GPHN: variants seen among roughly 807,000 people sequenced by gnomAD.
GPHN encodes the protein gephyrin.
GPHN carries 17 observed loss-of-function variants against 95.5 expected under a neutral mutation model. The ratio of observed to expected loss-of-function variants is 0.18; its 90% CI spans 0.12 to 0.27. GPHN has a LOEUF of 0.27. Ranked by LOEUF, GPHN falls within the 10% of genes least tolerant of loss-of-function variation. GPHN has a pLI of 1.00. For synonymous variants in GPHN, 320 were observed against 322.5 expected (o/e 0.99, Z 0.08); for missense variants, 660 against 978.1 (o/e 0.67, Z 4.34).
At chr14:67,480,195 G>A in the GPHN span, among the ~76,000 whole-genome samples, 12,446 of 152,080 alleles carry the variant, frequency 0.082, 572 homozygotes, top group Middle Eastern at 0.12. Context: ...CTTTTACACC[G>A]CCTCTTACCC....
the GPHN span, chr14:67,189,837 A>ATTTTTTTTT: frequency 9.3e-6 from 1 of 108,096 alleles, no homozygotes; most frequent in Non-Finnish European, 1.8e-5. Context: ...ATTTTTTTTA[A>ATTTTTTTTT]TTTTTTTTTT....
intron 5 of GPHN, among the ~76,000 whole-genome samples, chr14:66,915,452 C>A (rs1295944920): frequency 6.6e-6 from 1 of 152,096 alleles, no homozygotes. Flanking sequence ...TGACAATTAT[C>A]TCTGAAAGAT....
At chr14:67,223,010 T>C in the GPHN span, among the ~76,000 whole-genome samples, 1 of 150,938 alleles carries the variant, frequency 6.6e-6, no homozygotes, top group Non-Finnish European at 1.5e-5. Context: ...TTTTTTTTTT[T>C]TTTTTTTGAG....
chr14:66,793,595 ATATC>A (rs1276613786), intron 3 of GPHN, among the ~76,000 whole-genome samples: 2 of 152,140 alleles, frequency 1.3e-5, no homozygotes, highest in South Asian at 2.1e-4. Flanking sequence ...ATACATATAT[ATATC>A]TGTGTGTGAT....
chr14:66,661,232 A>G (rs990738939), intron 1 of GPHN, among the ~76,000 whole-genome samples: 2 of 152,194 alleles, frequency 1.3e-5, no homozygotes, highest in Non-Finnish European at 2.9e-5. Flanking sequence ...GCCAGCCCCC[A>G]GCAACAGAGT....
intron 3 of GPHN, among the ~76,000 whole-genome samples, chr14:66,811,120 A>G (rs1307451547): frequency 2.0e-5 from 3 of 152,210 alleles, no homozygotes; most frequent in South Asian, 2.1e-4. Flanking sequence ...TGTGGAAACA[A>G]TAAACCCTGG....
At chr14:67,122,435 T>C in intron 17 of GPHN, 58 bp downstream of exon 17, 1 of 1,476,166 alleles carries the variant, frequency 6.8e-7, no homozygotes, top group Non-Finnish European at 9.5e-7. Flanking sequence ...GTTTTTGGAA[T>C]ACTCATTAGG....
chr14:67,405,224 CAAAAAAA>C, the GPHN span, among the ~76,000 whole-genome samples: 3 of 40,482 alleles, frequency 7.4e-5, no homozygotes, highest in Non-Finnish European at 1.1e-4. Flanking sequence ...GAGTCCATCT[CAAAAAAA>C]AAAAAAAAAA....
At chr14:67,143,478 A>T (rs142575845) in intron 18 of GPHN, 29 bp downstream of exon 18, 3 of 1,271,582 alleles carry the variant, frequency 2.4e-6, no homozygotes, top group Non-Finnish European at 3.5e-6. Flanking sequence ...GTGAAAATGT[A>T]TCTGCTGTAA....
the GPHN span, among the ~76,000 whole-genome samples, chr14:67,464,909 C>A: frequency 6.6e-6 from 1 of 152,218 alleles, no homozygotes; most frequent in Non-Finnish European, 1.5e-5. Context: ...ATTTCCTGAT[C>A]TCCCCTTCTA....
At chr14:67,341,503 G>T in the GPHN span, among the ~76,000 whole-genome samples, 1 of 151,890 alleles carries the variant, frequency 6.6e-6, no homozygotes, top group Non-Finnish European at 1.5e-5. Flanking sequence ...CCCCGTCCGG[G>T]AGGGAGGTGG....
In GPHN at chr14:67,081,056, T is replaced by C. The variant is rs545989982; in HGVS notation, c.1145-7927T>C. 2.0e-5 allele frequency among the ~76,000 whole-genome samples: 3 copies of C among 152,338 alleles called. No individual in the cohort carries two copies. In the East Asian group the frequency reaches 5.8e-4, roughly 29 times the overall value. On this transcript the variant is annotated intron_variant, in intron 11 of 22. Transcript: ENST00000478722. ...TCCATATTTTTGCAATTGCAAATTG[T>C]GCTGCTATAAACATGCATGTGCAAG...
chr14:67,184,321 TATCATG>T (rs1178798815), downstream of GPHN, among the ~76,000 whole-genome samples: 2 of 152,190 alleles, frequency 1.3e-5, no homozygotes, highest in Non-Finnish European at 2.9e-5. Flanking sequence ...ATCAGGGACG[TATCATG>T]ATCAGAGATA....
the GPHN span, chr14:67,577,298 G>C: frequency 6.4e-7 from 1 of 1,556,012 alleles, no homozygotes; most frequent in Non-Finnish European, 8.7e-7. Context: ...CGTGCTTTGG[G>C]CAGATTCGCC....
chr14:66,627,383 A>T (rs1595305060), intron 1 of GPHN, among the ~76,000 whole-genome samples: 1 of 151,052 alleles, frequency 6.6e-6, no homozygotes, highest in Admixed American at 6.6e-5. Context: ...CGCCCCCAAC[A>T]TTGTTTCTCA....
chr14:67,353,699 C>A, the GPHN span: 1 of 152,306 alleles, frequency 6.6e-6, no homozygotes, highest in Admixed American at 6.6e-5. Flanking sequence ...CCATACTGAC[C>A]AGGCTCATCT....
At chr14:67,256,538 CCTTTTTT>C in the GPHN span, among the ~76,000 whole-genome samples, 9 of 152,038 alleles carry the variant, frequency 5.9e-5, no homozygotes, top group African/African-American at 1.9e-4. Flanking sequence ...TACTTTATAT[CCTTTTTT>C]CTTTTTTCTT....
the GPHN span, chr14:67,729,089 C>T: frequency 8.3e-7 from 1 of 1,210,220 alleles, no homozygotes; most frequent in Non-Finnish European, 1.2e-6. Context: ...GGTTATGTTT[C>T]CTGAGTCCCT....
At chr14:67,703,493 A>T in the GPHN span, among the ~76,000 whole-genome samples, 2 of 152,202 alleles carry the variant, frequency 1.3e-5, no homozygotes, top group Non-Finnish European at 2.9e-5. Flanking sequence ...CAAGTAGAAA[A>T]GTCAGTAGTT....
Sources: gnomAD v4.1 joint callset for allele counts (sites outside exome capture counted in the v4.1 genomes callset) on GRCh38, gnomAD v4.1.1 for gene constraint, MANE v1.5 for transcripts, NCBI Gene and HGNC (gene_info 2026-07-23, HGNC 2026-07-21) for gene names.